Variants in FRMD4A observed in about 807,000 individuals in gnomAD.
FRMD4A encodes the protein FERM domain containing 4A.
FRMD4A carries 29 observed loss-of-function variants against 129.1 expected under a neutral mutation model. The observed-to-expected ratio is 0.22, with a 90% CI of 0.17 to 0.31. The LOEUF is 0.31. Among genes scored for constraint, FRMD4A ranks in the 10% least tolerant of loss-of-function variants. The pLI is 1.00. For synonymous variants in FRMD4A, 634 were observed against 571.6 expected (o/e 1.11, Z -1.56); for missense variants, 1,272 against 1,375.8 (o/e 0.92, Z 1.19).
At chr10:14,205,806 CAAAAAAAA>C (rs59803872) in intron 2 of FRMD4A, among the ~76,000 whole-genome samples, 13 of 67,316 alleles carry the variant, frequency 1.9e-4, no homozygotes, top group African/African-American at 8.0e-4. Context: ...GACTCTGTCT[CAAAAAAAA>C]AAAAAAAAAA....
chr10:13,971,088 G>T (rs1215147563), intron 2 of FRMD4A, among the ~76,000 whole-genome samples: 1 of 151,942 alleles, frequency 6.6e-6, no homozygotes, highest in Non-Finnish European at 1.5e-5. Context: ...ACACACATAG[G>T]TACACTCACA....
intron 2 of FRMD4A, among the ~76,000 whole-genome samples, chr10:14,026,725 C>A (rs1405582484): frequency 1.3e-5 from 2 of 152,202 alleles, no homozygotes; most frequent in East Asian, 3.8e-4. Flanking sequence ...CACAAGAGGA[C>A]TTCTTGCCAC....
intron 2 of FRMD4A, among the ~76,000 whole-genome samples, chr10:14,203,839 T>G (rs1291925442): frequency 2.0e-5 from 3 of 152,222 alleles, no homozygotes; most frequent in Non-Finnish European, 4.4e-5. Flanking sequence ...AAGCATTCAT[T>G]TGAATTGTGC....
chr10:13,921,080 A>C (rs1244384641), intron 2 of FRMD4A, among the ~76,000 whole-genome samples: 1 of 152,148 alleles, frequency 6.6e-6, no homozygotes, highest in Non-Finnish European at 1.5e-5. Flanking sequence ...GAAGCCCAAG[A>C]TCAGGGCACG....
At chr10:14,068,493 G>A (rs1835165058) in intron 2 of FRMD4A, among the ~76,000 whole-genome samples, 1 of 152,128 alleles carries the variant, frequency 6.6e-6, no homozygotes, top group South Asian at 2.1e-4. Context: ...GCTGTATTTT[G>A]TTCATTACGT....
intron 2 of FRMD4A, among the ~76,000 whole-genome samples, chr10:13,955,498 C>T (rs890035020): frequency 1.3e-5 from 2 of 152,176 alleles, no homozygotes; most frequent in Non-Finnish European, 2.9e-5. Context: ...CATGGACTAC[C>T]AATACAGCAG....
At chr10:14,231,395 T>C (rs975192937) in intron 2 of FRMD4A, among the ~76,000 whole-genome samples, 23 of 150,676 alleles carry the variant, frequency 1.5e-4, no homozygotes, top group African/African-American at 5.6e-4. Context: ...CAGGCTGGAG[T>C]GCAGTGGCAT....
At chr10:13,963,216 C>A (rs1021110409) in intron 2 of FRMD4A, among the ~76,000 whole-genome samples, 1 of 148,868 alleles carries the variant, frequency 6.7e-6, no homozygotes, top group African/African-American at 2.5e-5. Flanking sequence ...AATGTGCAGA[C>A]TTGACAGAGA....
intron 2 of FRMD4A, among the ~76,000 whole-genome samples, chr10:14,162,630 G>GT (rs556368229): frequency 0.035 from 4,118 of 117,182 alleles, 91 homozygotes; most frequent in East Asian, 0.08. Context: ...GAGTTTCTCT[G>GT]TTTTTTTTTT....
chr10:14,116,912 T>G lies in FRMD4A; in HGVS notation c.45+213146A>C, dbSNP rs560353089. Among the ~76,000 whole-genome samples, 25 of 152,244 alleles carry G rather than the reference T, an allele frequency of 1.6e-4. No individual in the cohort carries two copies. In the South Asian group the frequency reaches 4.6e-3, roughly 28 times the overall value. ...GTGCTGAAATTTACTTGTGCTTTCT[T>G]GGTTTGTTTTTGGTTAAAAGCAGGG... On this transcript the variant is annotated intron_variant, in intron 2 of 24. Coordinates refer to ENST00000357447, the MANE Select transcript of FRMD4A (RefSeq NM_018027.5).
intron 2 of FRMD4A, among the ~76,000 whole-genome samples, chr10:14,228,772 T>C (rs986068952): frequency 3.3e-5 from 5 of 152,256 alleles, no homozygotes; most frequent in Admixed American, 1.3e-4. Flanking sequence ...TTTTTTTTTT[T>C]AGTAATTGAA....
intron 2 of FRMD4A, among the ~76,000 whole-genome samples, chr10:14,084,900 TG>T (rs1564275485): frequency 6.6e-6 from 1 of 152,230 alleles, no homozygotes; most frequent in Non-Finnish European, 1.5e-5. Context: ...TGGCTGACCC[TG>T]GTGCTTCCCC....
intron 2 of FRMD4A, among the ~76,000 whole-genome samples, chr10:13,976,538 AC>A (rs1414572809): frequency 2.2e-5 from 3 of 135,628 alleles, no homozygotes; most frequent in Non-Finnish European, 4.8e-5. Context: ...TTCTGTAAAG[AC>A]AGAGGAATTT....
At chr10:14,235,290 T>TAC (rs752126478) in intron 2 of FRMD4A, among the ~76,000 whole-genome samples, 1 of 98,524 alleles carries the variant, frequency 1.0e-5, no homozygotes, top group South Asian at 3.2e-4. Flanking sequence ...GCTGAGTCCC[T>TAC]GGTGCCCGCC....
chr10:13,949,312 A>AG (rs2095356004), intron 2 of FRMD4A, among the ~76,000 whole-genome samples: 2 of 151,444 alleles, frequency 1.3e-5, no homozygotes, highest in African/African-American at 2.4e-5. Context: ...AAAAAAAAAA[A>AG]AAAAAAGAAA....
chr10:13,699,232 T>TTTTTTTC (rs2086559398), intron 14 of FRMD4A, among the ~76,000 whole-genome samples: 1 of 115,208 alleles, frequency 8.7e-6, no homozygotes. Context: ...TTGTTTTTTT[T>TTTTTTTC]TTTTTTTTTT....
intron 2 of FRMD4A, among the ~76,000 whole-genome samples, chr10:14,055,469 AC>A (rs61142711): frequency 0.11 from 6,238 of 58,064 alleles, 236 homozygotes; most frequent in African/African-American, 0.23. Context: ...ACAAACACAC[AC>A]ACACACACAC....
intron 11 of FRMD4A, 33 bp from the exon 12 acceptor site, chr10:13,737,963 G>A: frequency 8.5e-7 from 1 of 1,180,270 alleles, no homozygotes; most frequent in Non-Finnish European, 1.3e-6. Flanking sequence ...GGTGAATATG[G>A]GACTGGAGGA....
chr10:14,138,691 T>C lies in FRMD4A; in HGVS notation c.45+191367A>G, dbSNP rs1172927773. The stretch of plus-strand genomic sequence containing the variant: ...AGGAGAATTGCTTGAACCCAGGAGG[T>C]GGAGGTTGCAGTGAGCCGAGATCGC... On this transcript the variant is annotated intron_variant, in intron 2 of 24. Coordinates refer to ENST00000357447, the MANE Select transcript of FRMD4A (RefSeq NM_018027.5). Among the ~76,000 whole-genome samples, 3 of 150,362 alleles carry C rather than the reference T, an allele frequency of 2.0e-5. No homozygotes were observed. The East Asian group carries it at 5.9e-4, about 29-fold the overall frequency.
Sources: allele counts gnomAD v4.1 joint callset (sites outside exome capture counted in the v4.1 genomes callset), GRCh38; gene constraint gnomAD v4.1.1; transcripts MANE v1.5; gene names NCBI Gene and HGNC (gene_info 2026-07-23, HGNC 2026-07-21).